Variants in NCAPD2 observed in about 807,000 individuals in gnomAD.
NCAPD2 encodes condensin complex subunit 1.
NCAPD2 carries 100 observed loss-of-function variants against 164.5 expected under a neutral mutation model. That is an observed-to-expected ratio of 0.61 (90% CI 0.52 to 0.72). NCAPD2 has a LOEUF of 0.72. NCAPD2 is among the 30% of genes least tolerant of loss of function. The pLI, the probability that NCAPD2 is intolerant of heterozygous loss-of-function variation, is 0.00. For missense variants in NCAPD2, 1,560 were observed against 1,749.2 expected, an observed-to-expected ratio of 0.89 and a Z score of 1.93; for synonymous variants, 585 against 642.6, an observed-to-expected ratio of 0.91 and a Z score of 1.36.
rs966991872 is a variant in NCAPD2 at position 6,511,235 on chromosome 12, TGAA to T, written c.577_579del (p.Glu193del). The T allele has an allele frequency of 6.2e-7, 1 of 1,614,152 alleles. No homozygotes were observed. The highest frequency in any genetic ancestry group is 8.5e-7 in the Non-Finnish European group (1 of 1,180,016). On this transcript the variant is annotated inframe_deletion, in exon 6 of 32. Coordinates refer to ENST00000315579, the MANE Select transcript of NCAPD2 (RefSeq NM_014865.4). ...GTCACCTGTGGAACCACTCAATAAT[TGAA>T]GAAGAATTTGTCAGGTGGGTAGGGA...
intron 13 of NCAPD2, among the ~76,000 whole-genome samples, chr12:6,520,303 A>G (rs1946252996): frequency 6.6e-6 from 1 of 151,886 alleles, no homozygotes; most frequent in Non-Finnish European, 1.5e-5. Context: ...GTACAGTGGT[A>G]TGATCACAAC....
At chr12:6,501,174 C>G (rs1488155386) in intron 2 of NCAPD2, among the ~76,000 whole-genome samples, 54 of 149,018 alleles carry the variant, frequency 3.6e-4, no homozygotes, top group African/African-American at 1.3e-3. Context: ...AATTCTCATG[C>G]CTCAGCCACC....
chr12:6,517,122 G>A (rs1318932129), intron 10 of NCAPD2, 97 bp downstream of exon 10: 5 of 1,414,014 alleles, frequency 3.5e-6, no homozygotes, highest in Non-Finnish European at 4.9e-6. Context: ...CCCCAAAGAG[G>A]TCTAGAATTC....
In NCAPD2 at chr12:6,496,905, G is replaced by A. The variant is rs150084695; in HGVS notation, c.127+1680G>A. ...CACACATTAGCCTAGGCCTACACAG[G>A]GTCAAGGTCACCAAGAAGTCACTAG... On this transcript the variant is annotated intron_variant, in intron 2 of 31. Coordinates refer to ENST00000315579, the MANE Select transcript of NCAPD2 (RefSeq NM_014865.4). 3.5e-4 allele frequency among the ~76,000 whole-genome samples: 54 copies of A among 152,268 alleles called. 1 individual carries two copies. The highest frequency in any genetic ancestry group is 2.1e-3 in the Admixed American group (32 of 15,298).
At chr12:6,495,692 C>A (rs1945973802) in intron 2 of NCAPD2, among the ~76,000 whole-genome samples, 1 of 152,144 alleles carries the variant, frequency 6.6e-6, no homozygotes. Flanking sequence ...AGTGCAGTCA[C>A]CTACTGAAAC....
In NCAPD2 at chr12:6,509,746, C is replaced by T. The variant is rs1276479494; in HGVS notation, c.157C>T (p.Pro53Ser). Residue 53 changes from proline to serine, a missense_variant, in exon 3 of 32, where the codon CCC (proline) becomes TCC (serine). Transcript: ENST00000315579. The stretch of plus-strand genomic sequence containing the variant: ...TCAGGCTGCCTTTCGAGCTCAGGGG[C>T]CCCTGGCTATGCTGCAGCACTTTGA... Reference protein sequence around the residue: ...AFQAAFRAQGPLAMLQHFDTI... With the variant: ...AFQAAFRAQGSLAMLQHFDTI... 6 of 1,613,822 alleles carry T rather than the reference C, an allele frequency of 3.7e-6. No homozygotes were observed. The African/African-American group carries it at 4.0e-5, about 11-fold the overall frequency.
chr12:6,505,308 C>G (rs919954675), intron 2 of NCAPD2, among the ~76,000 whole-genome samples: 3 of 152,158 alleles, frequency 2.0e-5, no homozygotes, highest in Admixed American at 6.5e-5. Context: ...TCAAGTGATT[C>G]ACCCGCCTCG....
intron 2 of NCAPD2, among the ~76,000 whole-genome samples, chr12:6,499,663 A>T (rs958472483): frequency 6.6e-6 from 1 of 151,870 alleles, no homozygotes; most frequent in African/African-American, 2.4e-5. Context: ...AAGTTCTGGG[A>T]TTATAGGCGT....
chr12:6,511,109 G>A lies in NCAPD2; in HGVS notation c.445-1G>A. Reference sequence around the variant, plus strand: ...CTCAATGTATACATGATCCTTTTTAGGGTAAGAAAGCTCGGACCAAGGCAG... The same window carrying A: ...CTCAATGTATACATGATCCTTTTTAAGGTAAGAAAGCTCGGACCAAGGCAG... On this transcript the variant is annotated splice_acceptor_variant, in intron 5 of 31. Coordinates refer to ENST00000315579, the MANE Select transcript of NCAPD2 (RefSeq NM_014865.4). LOFTEE classifies it high-confidence loss of function. 6.2e-7 allele frequency: 1 copy of A among 1,613,292 alleles called. No homozygotes were observed. The highest frequency in any genetic ancestry group is 8.5e-7 in the Non-Finnish European group (1 of 1,179,792).
At chr12:6,504,308 A>G (rs1946078843) in intron 2 of NCAPD2, among the ~76,000 whole-genome samples, 1 of 150,648 alleles carries the variant, frequency 6.6e-6, no homozygotes, top group African/African-American at 2.4e-5. Flanking sequence ...AAATCTGCAT[A>G]TGTAAGTTTT....
intron 2 of NCAPD2, among the ~76,000 whole-genome samples, chr12:6,497,991 T>G (rs1396225980): frequency 2.0e-5 from 3 of 151,560 alleles, no homozygotes; most frequent in African/African-American, 7.3e-5. Flanking sequence ...TGGAGTGCAG[T>G]GGCTCCATCC....
chr12:6,517,175 C>T (rs1347750117), intron 10 of NCAPD2, 150 bp downstream of exon 10: 13 of 1,235,042 alleles, frequency 1.1e-5, no homozygotes, highest in Admixed American at 4.4e-5. Context: ...CTACCAAGGA[C>T]GAGGATATCT....
At chr12:6,495,800 A>G (rs1404205540) in intron 2 of NCAPD2, among the ~76,000 whole-genome samples, 1 of 152,114 alleles carries the variant, frequency 6.6e-6, no homozygotes, top group Non-Finnish European at 1.5e-5. Context: ...CTTGCTTTGG[A>G]GAGGTATAGA....
At chr12:6,523,384 C>T (rs760402371) in intron 17 of NCAPD2, 38 bp downstream of exon 17, 19 of 1,107,140 alleles carry the variant, frequency 1.7e-5, no homozygotes, top group Non-Finnish European at 2.5e-5. Flanking sequence ...ATTCATTCAA[C>T]AAGTATTTTG....
In NCAPD2 at chr12:6,528,281, C is replaced by A; in HGVS notation, c.3252C>A (p.Ile1084=). 1 of 1,613,800 alleles carries A rather than the reference C, an allele frequency of 6.2e-7. No homozygotes were observed. The highest frequency in any genetic ancestry group is 1.1e-5 in the South Asian group (1 of 91,068). The change falls in exon 25 of 32, where the codon ATC becomes ATA. Residue 1084 remains isoleucine (I), a synonymous_variant. Coordinates refer to ENST00000315579, the MANE Select transcript of NCAPD2 (RefSeq NM_014865.4). This position sits in a 1 kb window ranked among gnomAD's most constrained non-coding sequence, Gnocchi z 5.1. ...TGGTTGCCACTGGGGATCTGGCCAT[C>A]CGCTTTCCCAATCTGGTGGACCCCT... ...NLMVATGDLA[I]RFPNLVDPWT... is the part of the protein sequence containing the mutation.
At chr12:6,504,230 T>TATACAC (rs1565539659) in intron 2 of NCAPD2, among the ~76,000 whole-genome samples, 1 of 78,872 alleles carries the variant, frequency 1.3e-5, no homozygotes, top group Non-Finnish European at 2.3e-5. Context: ...TATAGATATA[T>TATACAC]ATATATATAT....
rs538027698 is a variant in NCAPD2 at position 6,517,440 on chromosome 12, T to C, written c.1261T>C (p.Cys421Arg). 10 of 1,614,220 alleles carry C rather than the reference T, an allele frequency of 6.2e-6. No homozygotes were observed. Among genetic ancestry groups the C allele is most frequent in the East Asian group, 2.2e-5 (1 of 44,892 alleles). ...TCTGGCAGACAAGTCAGTGCTAGTA[T>C]GTAAAAATGCCATCCAGCTGCTGGC... ...GRLADKSVLVCKNAIQLLASF... is the reference protein window; with the variant it reads ...GRLADKSVLVRKNAIQLLASF... The change falls in exon 11 of 32, where the codon TGT becomes CGT. Residue 421 changes from cysteine (C) to arginine (R), a missense_variant. Coordinates refer to ENST00000315579, the MANE Select transcript of NCAPD2 (RefSeq NM_014865.4).
intron 2 of NCAPD2, among the ~76,000 whole-genome samples, chr12:6,495,685 G>A (rs577764008): frequency 1.3e-5 from 2 of 152,282 alleles, no homozygotes; most frequent in African/African-American, 2.4e-5. Flanking sequence ...TATGTACAGT[G>A]CAGTCACCTA....
chr12:6,494,690 A>G (rs1945959329), intron 1 of NCAPD2, among the ~76,000 whole-genome samples: 1 of 152,232 alleles, frequency 6.6e-6, no homozygotes, highest in African/African-American at 2.4e-5. Context: ...TTAATATGCC[A>G]CTTTATAGTT....
Sources: allele counts gnomAD v4.1 joint callset (sites outside exome capture counted in the v4.1 genomes callset), GRCh38; gene constraint gnomAD v4.1.1; non-coding constraint Gnocchi (gnomAD v3.1); transcripts MANE v1.5; gene names NCBI Gene and HGNC (gene_info 2026-07-23, HGNC 2026-07-21).